UTS2B: variants seen among roughly 807,000 people sequenced by gnomAD.
UTS2B encodes urotensin-2B.
A neutral mutation model predicts 19.2 loss-of-function variants in UTS2B; 21 were observed. The ratio of observed to expected loss-of-function variants is 1.09; its 90% CI spans 0.78 to 1.58. The LOEUF (loss-of-function observed/expected upper bound fraction) is 1.58. UTS2B is among the 40% of genes most tolerant of loss of function. The pLI is 0.00. For missense variants in UTS2B, 138 were observed against 130.3 expected (o/e 1.06, Z -0.29); for synonymous variants, 57 against 50.2 (o/e 1.14, Z -0.58).
intron 8 of UTS2B, chr3:191,273,388 G>A (rs773575974): frequency 1.8e-5 from 8 of 438,624 alleles, no homozygotes; most frequent in Non-Finnish European, 2.8e-5. Context: ...TTACCAACCT[G>A]CCTTGCCATA....
intron 3 of UTS2B, among the ~76,000 whole-genome samples, chr3:191,304,900 C>T (rs1576928076): frequency 6.6e-6 from 1 of 152,118 alleles, no homozygotes; most frequent in African/African-American, 2.4e-5. Context: ...ATTTAGCTCC[C>T]TCTTACAAGT....
chr3:191,345,657 C>T, the UTS2B span, among the ~76,000 whole-genome samples: 10 of 152,192 alleles, frequency 6.6e-5, no homozygotes, highest in South Asian at 1.0e-3. Flanking sequence ...GGTGTATCTG[C>T]GGTTAGCCAT....
chr3:191,289,183 G>A (rs532784837), intron 4 of UTS2B, among the ~76,000 whole-genome samples: 2 of 152,244 alleles, frequency 1.3e-5, no homozygotes, highest in South Asian at 4.1e-4. Flanking sequence ...ACCGAGGTGG[G>A]TGGATCACGA....
chr3:191,275,704 A>G (rs201070121), intron 7 of UTS2B, among the ~76,000 whole-genome samples: 1 of 97,438 alleles, frequency 1.0e-5, no homozygotes, highest in Non-Finnish European at 2.8e-5. Flanking sequence ...CAAACAACAA[A>G]AAAAAAACCA....
At chr3:191,289,307 G>T (rs1461868359) in intron 4 of UTS2B, among the ~76,000 whole-genome samples, 1 of 151,856 alleles carries the variant, frequency 6.6e-6, no homozygotes. Flanking sequence ...TGCTCGGGAG[G>T]CTGAGGCAGG....
chr3:191,291,127 T>C (rs921887966), intron 4 of UTS2B, among the ~76,000 whole-genome samples: 3 of 152,190 alleles, frequency 2.0e-5, no homozygotes, highest in African/African-American at 7.2e-5. Context: ...AGTAGAAACA[T>C]CTGTTCAAAT....
chr3:191,313,723 T>C (rs1717367200), intron 3 of UTS2B, among the ~76,000 whole-genome samples: 1 of 141,180 alleles, frequency 7.1e-6, no homozygotes, highest in South Asian at 2.3e-4. Context: ...TCCTCCACTT[T>C]CCTTTTTTTT....
At chr3:191,288,185 A>G (rs1187653112) in intron 4 of UTS2B, among the ~76,000 whole-genome samples, 1 of 152,182 alleles carries the variant, frequency 6.6e-6, no homozygotes. Flanking sequence ...ATATTGTTAA[A>G]ATGTACATAC....
chr3:191,324,931 T>C (rs1264788404), intron 2 of UTS2B, among the ~76,000 whole-genome samples: 1 of 152,110 alleles, frequency 6.6e-6, no homozygotes. Flanking sequence ...ACTCTTGTAA[T>C]CCCAGCTACT....
chr3:191,336,279 A>G, the UTS2B span, among the ~76,000 whole-genome samples: 1 of 152,088 alleles, frequency 6.6e-6, no homozygotes, highest in Admixed American at 6.5e-5. Context: ...TCCCACCAGC[A>G]ATGTATGTGA....
At chr3:191,326,233 C>T (rs1301020766) in intron 2 of UTS2B, among the ~76,000 whole-genome samples, 1 of 151,976 alleles carries the variant, frequency 6.6e-6, no homozygotes, top group East Asian at 1.9e-4. Flanking sequence ...ATTTATGCAA[C>T]AAATATTTAT....
chr3:191,277,809 T>C (rs1024465908), intron 6 of UTS2B, among the ~76,000 whole-genome samples: 5 of 151,966 alleles, frequency 3.3e-5, no homozygotes, highest in East Asian at 1.9e-4. Context: ...AAAATATGAA[T>C]AAAGGTAACC....
intron 2 of UTS2B, among the ~76,000 whole-genome samples, chr3:191,323,472 G>A (rs1054740907): frequency 2.0e-5 from 3 of 152,170 alleles, no homozygotes; most frequent in Non-Finnish European, 4.4e-5. Context: ...CCTGACCTCA[G>A]TGCTTTTATT....
the UTS2B span, among the ~76,000 whole-genome samples, chr3:191,338,352 CT>C: frequency 2.0e-5 from 3 of 152,118 alleles, no homozygotes; most frequent in South Asian, 2.1e-4. Context: ...GTGAAAGACT[CT>C]TTTTGTCTAG....
intron 3 of UTS2B, among the ~76,000 whole-genome samples, chr3:191,307,702 C>G (rs1717177855): frequency 6.6e-6 from 1 of 152,214 alleles, no homozygotes; most frequent in Non-Finnish European, 1.5e-5. Context: ...CTGCTCTAGG[C>G]ATCCAGCAGG....
chr3:191,310,752 A>ATTTGGTTAAT (rs372208446), intron 3 of UTS2B, among the ~76,000 whole-genome samples: 34,709 of 151,776 alleles, frequency 0.23, 4,175 homozygotes, highest in South Asian at 0.28. Context: ...ATTTGGTTAA[A>ATTTGGTTAAT]GTTATAGTAG....
At chr3:191,303,270 A>G (rs1717049627) in intron 4 of UTS2B, among the ~76,000 whole-genome samples, 3 of 150,038 alleles carry the variant, frequency 2.0e-5, no homozygotes, top group East Asian at 3.9e-4. Flanking sequence ...AACTTGTGGT[A>G]TCTTTTCTCT....
At chr3:191,329,744 G>C in intron 1 of UTS2B, 1 of 1,603,130 alleles carries the variant, frequency 6.2e-7, no homozygotes, top group Non-Finnish European at 8.5e-7. Context: ...CGGAGGGAGA[G>C]CGCGCGGGAC....
At chr3:191,308,802 T>C (rs1488487144) in intron 3 of UTS2B, among the ~76,000 whole-genome samples, 1 of 152,090 alleles carries the variant, frequency 6.6e-6, no homozygotes, top group Non-Finnish European at 1.5e-5. Context: ...TTCTGCTCTA[T>C]ATGTATCTTA....
Sources: allele counts gnomAD v4.1 joint callset (sites outside exome capture counted in the v4.1 genomes callset), GRCh38; gene constraint gnomAD v4.1.1; transcripts MANE v1.5; gene names NCBI Gene and HGNC (gene_info 2026-07-23, HGNC 2026-07-21).